SUSD1: variants seen among roughly 807,000 people sequenced by gnomAD.
The protein encoded by SUSD1 is sushi domain-containing protein 1.
Under a neutral mutation model 86.9 loss-of-function variants are expected in SUSD1, and 65 were observed. That is an observed-to-expected ratio of 0.75 (90% confidence interval 0.61 to 0.92). The LOEUF (loss-of-function observed/expected upper bound fraction) is 0.92, where lower values mean the gene tolerates loss of function less well. Ranked by LOEUF, SUSD1 falls within the 40% of genes least tolerant of loss-of-function variation. The pLI, the probability that SUSD1 is intolerant of heterozygous loss-of-function variation, is 0.00. For missense variants in SUSD1, 850 were observed against 929.7 expected (o/e 0.91, Z 1.11); for synonymous variants, 346 against 350.0 (o/e 0.99, Z 0.13).
intron 12 of SUSD1, among the ~76,000 whole-genome samples, chr9:112,070,616 A>G (rs1410781838): frequency 6.6e-6 from 1 of 152,206 alleles, no homozygotes; most frequent in Non-Finnish European, 1.5e-5. Flanking sequence ...CTTCATTACC[A>G]TCCTCGGATG....
rs187123604 is a variant in SUSD1, at chr9:112,091,059, G to A, written c.1474+7411C>T. 2.0e-5 allele frequency among the ~76,000 whole-genome samples: 3 copies of A among 152,312 alleles called. No individual in the cohort carries two copies. The South Asian group carries it at 6.2e-4, about 32-fold the overall frequency. The stretch of plus-strand genomic sequence containing the variant: ...GATCTACAAGGTCACTAACTTATCT[G>A]TTAAAAGAACAAACATCTACTCTCT... On this transcript the variant is annotated intron_variant, in intron 10 of 16. Transcript: ENST00000374270.
chr9:112,116,047 C>T (rs1439526623), intron 6 of SUSD1, among the ~76,000 whole-genome samples: 1 of 152,144 alleles, frequency 6.6e-6, no homozygotes, highest in Non-Finnish European at 1.5e-5. Context: ...TTGATGCTAA[C>T]TCACCACCTG....
At chr9:112,126,220 G>A (rs997949048) in intron 5 of SUSD1, among the ~76,000 whole-genome samples, 1 of 152,168 alleles carries the variant, frequency 6.6e-6, no homozygotes, top group African/African-American at 2.4e-5. Flanking sequence ...AAGTAGAGGG[G>A]ACATCACTAA....
At position 112,097,226 on chromosome 9, in the gene SUSD1, T is replaced by C. The variant is rs1275410322; in HGVS notation, c.1474+1244A>G. ...CTGTAGTCCCAGCTACTCAAGAGGCTGAGGCAGGAGGATCACTTGAGCCCA... is the reference window on the plus strand; with the variant it reads ...CTGTAGTCCCAGCTACTCAAGAGGCCGAGGCAGGAGGATCACTTGAGCCCA... On this transcript the variant is annotated intron_variant, in intron 10 of 16. Coordinates refer to ENST00000374270, the MANE Select transcript of SUSD1 (RefSeq NM_022486.5). Among the ~76,000 whole-genome samples, 3 of 151,252 alleles carry C rather than the reference T, an allele frequency of 2.0e-5. No homozygotes were observed. In the East Asian group the frequency reaches 6.0e-4, roughly 30 times the overall value.
chr9:112,096,608 C>T (rs981288165), intron 10 of SUSD1, among the ~76,000 whole-genome samples: 6 of 152,078 alleles, frequency 3.9e-5, no homozygotes, highest in African/African-American at 1.4e-4. Flanking sequence ...GGCGCAATCT[C>T]GGCTCCCTGC....
At chr9:112,132,956 C>A (rs544827463) in intron 5 of SUSD1, among the ~76,000 whole-genome samples, 8 of 152,198 alleles carry the variant, frequency 5.3e-5, no homozygotes, top group Admixed American at 2.6e-4. Flanking sequence ...CAATATCTAG[C>A]AAGTTGAACT....
At position 112,157,545 on chromosome 9, in the gene SUSD1, T is replaced by C; in HGVS notation, c.172A>G (p.Ile58Val). The C allele has an allele frequency of 1.9e-6, 3 of 1,614,198 alleles. No individual in the cohort carries two copies. Among genetic ancestry groups the C allele is most frequent in the Admixed American group, 1.7e-5 (1 of 60,024 alleles). The change falls in exon 2 of 17, where the codon ATT becomes GTT. Residue 58 changes from isoleucine (I) to valine (V), a missense_variant. Physicochemically the swap from Ile to Val is conservative, Grantham distance 29. Transcript: ENST00000374270. ...CQQREGKKIC[I>V]CNYGFVGNGR... ...TTCCCTACAAATCCATAGTTGCAAATACAGATCTTCTTCCCTTCTCTTTGC... is the reference window on the plus strand; with the variant it reads ...TTCCCTACAAATCCATAGTTGCAAACACAGATCTTCTTCCCTTCTCTTTGC...
At chr9:112,099,037 CT>C (rs1324982871) in intron 9 of SUSD1, among the ~76,000 whole-genome samples, 191 of 151,794 alleles carry the variant, frequency 1.3e-3, no homozygotes, top group African/African-American at 4.4e-3. Context: ...CTCTCTCTCT[CT>C]CTCTCTCTCT....
chr9:112,145,908 C>G (rs566211525), intron 3 of SUSD1: 3 of 152,314 alleles, frequency 2.0e-5, no homozygotes, highest in African/African-American at 4.8e-5. Context: ...CCATGACTGG[C>G]TGGAATCATC....
rs1833383798 is a variant in SUSD1 at position 112,157,546 on chromosome 9, A to G, written c.171T>C (p.Cys57=). The part of the protein sequence containing the change: ...TCQQREGKKI[C]ICNYGFVGNG... ...TCCCTACAAATCCATAGTTGCAAATACAGATCTTCTTCCCTTCTCTTTGCT... is the reference window on the plus strand; with the variant it reads ...TCCCTACAAATCCATAGTTGCAAATGCAGATCTTCTTCCCTTCTCTTTGCT... Residue 57 remains cysteine (C), a synonymous_variant, in exon 2 of 17, where the codon TGT becomes TGC. Transcript: ENST00000374270. The G allele has an allele frequency of 6.2e-7, 1 of 1,614,096 alleles. No individual in the cohort carries two copies. Among genetic ancestry groups the G allele is most frequent in the African/African-American group, 1.3e-5 (1 of 74,944 alleles).
chr9:112,147,845 T>A (rs914651236), intron 3 of SUSD1, among the ~76,000 whole-genome samples: 2 of 137,552 alleles, frequency 1.5e-5, no homozygotes, highest in African/African-American at 6.0e-5. Context: ...TCTTATATGC[T>A]TTTTTTTTAG....
At chr9:112,110,563 C>CTTTTTTTTTTTTT (rs913064649) in intron 8 of SUSD1, among the ~76,000 whole-genome samples, 83 of 143,510 alleles carry the variant, frequency 5.8e-4, no homozygotes, top group African/African-American at 2.0e-3. Flanking sequence ...AATTTTCTTT[C>CTTTTTTTTTTTTT]TTTTTTTTTT....
rs781206937 is a variant in SUSD1 at position 112,078,681 on chromosome 9, T to A, written c.1610A>T (p.Gln537Leu). 1.9e-6 allele frequency: 3 copies of A among 1,613,886 alleles called. No homozygotes were observed. The highest frequency in any genetic ancestry group is 4.5e-5 in the East Asian group (2 of 44,888). Residue 537 changes from glutamine (Q) to leucine (L), a missense_variant, in exon 12 of 17, where the codon CAG becomes CTG. Physicochemically the swap from Gln to Leu is moderately radical, Grantham distance 113. Coordinates refer to ENST00000374270, the MANE Select transcript of SUSD1 (RefSeq NM_022486.5). ...GCTACTGATATTAAAGGTCATTTCC[T>A]GGGCAAATTCCTTCTGATACCATCT... The part of the protein sequence containing the change: ...GQRWYQKEFA[Q>L]EMTFNISSSS...
intron 12 of SUSD1, among the ~76,000 whole-genome samples, chr9:112,063,723 A>G (rs1326968212): frequency 6.6e-6 from 1 of 152,232 alleles, no homozygotes; most frequent in Non-Finnish European, 1.5e-5. Context: ...CAGTCATGGT[A>G]TAAATGTGCT....
At chr9:112,071,561 TCAAC>T (rs1465347828) in intron 12 of SUSD1, among the ~76,000 whole-genome samples, 1 of 152,070 alleles carries the variant, frequency 6.6e-6, no homozygotes, top group Admixed American at 6.6e-5. Flanking sequence ...AACTATTAAA[TCAAC>T]CAAAGAAAAA....
At chr9:112,117,694 TA>T (rs544104837) in intron 6 of SUSD1, among the ~76,000 whole-genome samples, 364 of 152,308 alleles carry the variant, frequency 2.4e-3, no homozygotes, top group African/African-American at 8.4e-3. Flanking sequence ...AATGTAACTT[TA>T]CGATGGCAAA....
intron 12 of SUSD1, among the ~76,000 whole-genome samples, chr9:112,063,349 G>C (rs913798293): frequency 6.6e-6 from 1 of 152,122 alleles, no homozygotes; most frequent in Admixed American, 6.5e-5. Context: ...TTCTCCTTGG[G>C]GTGATGAAAA....
chr9:112,102,120 G>A (rs940854634), intron 9 of SUSD1, 56 bp downstream of exon 9: 18 of 979,480 alleles, frequency 1.8e-5, no homozygotes, highest in South Asian at 1.6e-4. Context: ...CTTGGAGATC[G>A]CCCAAATTTT....
chr9:112,048,132 C>G (rs1396211794), intron 15 of SUSD1, among the ~76,000 whole-genome samples: 2 of 152,198 alleles, frequency 1.3e-5, no homozygotes, highest in African/African-American at 2.4e-5. Context: ...GAAGCTCCAA[C>G]TTCCCCTATC....
Sources: gnomAD v4.1 joint callset for allele counts (sites outside exome capture counted in the v4.1 genomes callset) on GRCh38, gnomAD v4.1.1 for gene constraint, MANE v1.5 for transcripts, NCBI Gene and HGNC (gene_info 2026-07-23, HGNC 2026-07-21) for gene names.